FRMD3: variants seen among roughly 807,000 people sequenced by gnomAD.
FRMD3 encodes FERM domain containing 3.
In FRMD3, 33 loss-of-function variants were observed where a neutral mutation model predicts 70.2. That is an observed-to-expected ratio of 0.47 (90% confidence interval 0.36 to 0.63). FRMD3 has a LOEUF of 0.63. Among genes scored for constraint, FRMD3 ranks in the 20% least tolerant of loss-of-function variants. The probability of loss-of-function intolerance (pLI) is 0.00; values close to 1 mark genes in which losing one functional copy is unlikely to be tolerated. For synonymous variants in FRMD3, 279 were observed against 255.9 expected (o/e 1.09, Z -0.86); for missense variants, 632 against 711.4 (o/e 0.89, Z 1.27).
chr9:83,494,833 A>ATGTGTGTGTGTGTGTGTGTGTG (rs377201441), intron 1 of FRMD3, among the ~76,000 whole-genome samples: 13 of 149,320 alleles, frequency 8.7e-5, no homozygotes, highest in African/African-American at 2.7e-4. Flanking sequence ...CTGTGCATTT[A>ATGTGTGTGTGTGTGTGTGTGTG]TGTGTGTGTG....
intron 1 of FRMD3, among the ~76,000 whole-genome samples, chr9:83,432,520 A>G (rs531592782): frequency 6.6e-6 from 1 of 152,156 alleles, no homozygotes; most frequent in Non-Finnish European, 1.5e-5. Context: ...TTATGTGTGC[A>G]TTTCAATGAA....
chr9:83,561,925 G>A, the FRMD3 span, among the ~76,000 whole-genome samples: 92 of 152,326 alleles, frequency 6.0e-4, no homozygotes, highest in African/African-American at 2.1e-3. Flanking sequence ...AATTCACTGT[G>A]TATGTGTCCA....
chr9:83,292,024 C>A (rs954707977), intron 12 of FRMD3, among the ~76,000 whole-genome samples: 1 of 152,142 alleles, frequency 6.6e-6, no homozygotes, highest in Admixed American at 6.5e-5. Context: ...CATTTTACAG[C>A]CATTTACTCT....
chr9:83,482,578 C>T (rs1828593123), intron 1 of FRMD3, among the ~76,000 whole-genome samples: 1 of 152,040 alleles, frequency 6.6e-6, no homozygotes, highest in South Asian at 2.1e-4. Flanking sequence ...ATAAGAAATG[C>T]AAATTTTTAA....
intron 1 of FRMD3, among the ~76,000 whole-genome samples, chr9:83,514,315 T>C (rs1280961225): frequency 6.6e-6 from 1 of 152,018 alleles, no homozygotes; most frequent in Admixed American, 6.6e-5. Context: ...GACTAGGCGG[T>C]TTTCCCCTCA....
chr9:83,561,895 C>G, the FRMD3 span, among the ~76,000 whole-genome samples: 1 of 152,226 alleles, frequency 6.6e-6, no homozygotes, highest in Non-Finnish European at 1.5e-5. Context: ...TCTCTATCTG[C>G]ACTCTCTAAG....
At chr9:83,365,484 CT>C (rs1464355240) in intron 3 of FRMD3, among the ~76,000 whole-genome samples, 2 of 151,832 alleles carry the variant, frequency 1.3e-5, no homozygotes, top group Non-Finnish European at 2.9e-5. Context: ...TATAAGGCAG[CT>C]ATTGTTTTAG....
intron 1 of FRMD3, among the ~76,000 whole-genome samples, chr9:83,451,884 A>G (rs1827669276): frequency 6.6e-6 from 1 of 152,258 alleles, no homozygotes; most frequent in Non-Finnish European, 1.5e-5. Flanking sequence ...TAATAATTTA[A>G]TAGTTCATAA....
intron 13 of FRMD3, among the ~76,000 whole-genome samples, chr9:83,283,161 A>G (rs1368189951): frequency 6.6e-6 from 1 of 152,206 alleles, no homozygotes; most frequent in African/African-American, 2.4e-5. Context: ...TCAGGCCTTT[A>G]TGTTCTCAAG....
Position 83,339,450 on chromosome 9 carries a change from CT to C in FRMD3, c.472+3739del, listed in dbSNP as rs916182663. Among the ~76,000 whole-genome samples the C allele has an allele frequency of 9.2e-4, 140 of 152,170 alleles. 2 individuals are homozygous for C. The highest frequency in any genetic ancestry group is 1.6e-4 in the Non-Finnish European group (11 of 68,040). On this transcript the variant is annotated intron_variant, in intron 5 of 13. Transcript: ENST00000304195. ...CTGCGGTTTGAAACCAGCTCTAGCACTTTTCTAAAAGGATTCAATTCTAAGA... is the reference window on the plus strand; with the variant it reads ...CTGCGGTTTGAAACCAGCTCTAGCACTTTCTAAAAGGATTCAATTCTAAGA...
chr9:83,253,928 T>C (rs942330376), intron 13 of FRMD3, among the ~76,000 whole-genome samples: 7 of 152,094 alleles, frequency 4.6e-5, no homozygotes, highest in Admixed American at 1.3e-4. Flanking sequence ...TGGAATACTA[T>C]GCAGCCATAA....
At chr9:83,419,616 T>C (rs1826571057) in intron 1 of FRMD3, among the ~76,000 whole-genome samples, 1 of 151,744 alleles carries the variant, frequency 6.6e-6, no homozygotes, top group Non-Finnish European at 1.5e-5. Flanking sequence ...GTGATATGTG[T>C]GTGTTCATGT....
At chr9:83,456,184 G>A (rs931400509) in intron 1 of FRMD3, among the ~76,000 whole-genome samples, 6 of 152,076 alleles carry the variant, frequency 3.9e-5, no homozygotes, top group Non-Finnish European at 7.3e-5. Flanking sequence ...ATAAATGGTA[G>A]CATCTTGCTA....
At chr9:83,397,392 C>A (rs1048358999) in intron 1 of FRMD3, among the ~76,000 whole-genome samples, 1 of 152,224 alleles carries the variant, frequency 6.6e-6, no homozygotes, top group Non-Finnish European at 1.5e-5. Context: ...AGTACATCCT[C>A]AGAGCCAGGA....
intron 2 of FRMD3, among the ~76,000 whole-genome samples, chr9:83,386,281 C>T (rs774504854): frequency 2.6e-5 from 4 of 152,162 alleles, no homozygotes; most frequent in Non-Finnish European, 5.9e-5. Flanking sequence ...AAGCTACACT[C>T]ACATCGTATC....
chr9:83,337,472 C>T (rs535472476), intron 5 of FRMD3, among the ~76,000 whole-genome samples: 2 of 152,200 alleles, frequency 1.3e-5, no homozygotes, highest in East Asian at 3.9e-4. Flanking sequence ...CATGGAGGGG[C>T]AAAGGTGATG....
intron 1 of FRMD3, among the ~76,000 whole-genome samples, chr9:83,447,765 A>G (rs1827524710): frequency 6.6e-6 from 1 of 152,300 alleles, no homozygotes; most frequent in East Asian, 1.9e-4. Flanking sequence ...GAGCTCCTGA[A>G]CTAAAAGACA....
intron 6 of FRMD3, among the ~76,000 whole-genome samples, chr9:83,325,792 G>A (rs888360758): frequency 5.3e-5 from 8 of 152,096 alleles, no homozygotes; most frequent in African/African-American, 1.4e-4. Context: ...ACTGCCTGCC[G>A]CCTGATTTTG....
chr9:83,522,720 C>T (rs968405951), intron 1 of FRMD3, among the ~76,000 whole-genome samples: 5 of 151,770 alleles, frequency 3.3e-5, no homozygotes, highest in African/African-American at 1.2e-4. Flanking sequence ...CCCGCCACCC[C>T]GCCCGGCTAA....
Sources: allele counts gnomAD v4.1 joint callset (sites outside exome capture counted in the v4.1 genomes callset), GRCh38; gene constraint gnomAD v4.1.1; transcripts MANE v1.5; gene names NCBI Gene and HGNC (gene_info 2026-07-23, HGNC 2026-07-21).